ELAC1: variants seen among roughly 807,000 people sequenced by gnomAD.
ELAC1 encodes elaC ribonuclease Z 1.
ELAC1 carries 19 observed loss-of-function variants against 25.8 expected under a neutral mutation model. The ratio of observed to expected loss-of-function variants is 0.74; its 90% confidence interval spans 0.51 to 1.08. ELAC1 has a LOEUF of 1.08. Ranked by LOEUF, ELAC1 falls within the 50% of genes least tolerant of loss-of-function variation. The pLI is 0.00. For missense variants in ELAC1, 403 were observed against 434.6 expected (o/e 0.93, Z 0.65); for synonymous variants, 148 against 160.9 (o/e 0.92, Z 0.61).
intron 1 of ELAC1, chr18:50,968,771 T>C (rs1174080699): frequency 2.0e-5 from 3 of 152,250 alleles, no homozygotes; most frequent in African/African-American, 7.2e-5. Flanking sequence ...TTTGCTCGCA[T>C]TTAATTCCTA....
At chr18:50,977,177 GAGGAC>G (rs1318623831) in intron 2 of ELAC1, among the ~76,000 whole-genome samples, 1 of 152,200 alleles carries the variant, frequency 6.6e-6, no homozygotes, top group Non-Finnish European at 1.5e-5. Flanking sequence ...ATGGGTTCTG[GAGGAC>G]AGTAGCTCTC....
At chr18:50,973,399 G>A (rs961977261) in intron 1 of ELAC1, among the ~76,000 whole-genome samples, 1 of 152,202 alleles carries the variant, frequency 6.6e-6, no homozygotes, top group Non-Finnish European at 1.5e-5. Context: ...GAAAGGAATA[G>A]TGCCAGGAGT....
rs571227087 is a variant in ELAC1 at position 50,972,469 on chromosome 18, T to TTGTATGTA, written c.-8-1910_-8-1903dup. Among the ~76,000 whole-genome samples the TTGTATGTA allele has an allele frequency of 1.5e-3, 229 of 152,022 alleles. 1 individual carries two copies. The highest frequency in any genetic ancestry group is 5.5e-3 in the African/African-American group (226 of 41,448). On this transcript the variant is annotated intron_variant, in intron 1 of 3. Coordinates refer to ENST00000269466, the MANE Select transcript of ELAC1 (RefSeq NM_018696.3). ...TCTATTTTTGTGCCAATATTATTGT[T>TTGTATGTA]TGTATGTATGTATGTATGTATGTAT...
chr18:50,977,017 A>C (rs1460184447), intron 2 of ELAC1, among the ~76,000 whole-genome samples: 1 of 152,220 alleles, frequency 6.6e-6, no homozygotes, highest in East Asian at 1.9e-4. Context: ...GGGCATGCTG[A>C]TGCAAGAGGT....
intron 1 of ELAC1, among the ~76,000 whole-genome samples, chr18:50,970,095 G>C (rs1195368863): frequency 6.6e-6 from 1 of 152,098 alleles, no homozygotes; most frequent in South Asian, 2.1e-4. Flanking sequence ...TGTTTTGTTT[G>C]GGACTACAGG....
intron 3 of ELAC1, among the ~76,000 whole-genome samples, chr18:50,985,129 C>T (rs1908065015): frequency 6.6e-6 from 1 of 152,158 alleles, no homozygotes; most frequent in Non-Finnish European, 1.5e-5. Context: ...CTTAGTCTGT[C>T]TTCACCTTAT....
At chr18:50,982,151 G>C (rs548634818) in intron 2 of ELAC1, among the ~76,000 whole-genome samples, 3 of 152,150 alleles carry the variant, frequency 2.0e-5, no homozygotes, top group African/African-American at 7.2e-5. Context: ...CGGCCCTATT[G>C]CTGTAGTTTT....
chr18:50,973,828 AG>A (rs2144309642), intron 1 of ELAC1, among the ~76,000 whole-genome samples: 1 of 152,246 alleles, frequency 6.6e-6, no homozygotes, highest in South Asian at 2.1e-4. Flanking sequence ...CAGAAGCTTA[AG>A]GGCTCATGAA....
chr18:50,979,959 G>C (rs986170125), intron 2 of ELAC1, among the ~76,000 whole-genome samples: 16 of 152,102 alleles, frequency 1.1e-4, no homozygotes, highest in African/African-American at 3.9e-4. Context: ...TCAAACTCCT[G>C]AGCTCAGGCA....
At position 50,984,291 on chromosome 18, in the gene ELAC1, A is replaced by G. The variant is rs767662963; in HGVS notation, c.353A>G (p.Tyr118Cys). Reference sequence around the variant, plus strand: ...TCTCACACGGAGCTGGTCTTCCATTATGTGGTTCATGAACTGGTTCCTACA... The same window carrying G: ...TCTCACACGGAGCTGGTCTTCCATTGTGTGGTTCATGAACTGGTTCCTACA... ...ELSHTELVFH[Y>C]VVHELVPTAD... Residue 118 changes from tyrosine to cysteine, a missense_variant, in exon 3 of 4, where the codon TAT becomes TGT. Coordinates refer to ENST00000269466, the MANE Select transcript of ELAC1 (RefSeq NM_018696.3). 3 of 1,614,156 alleles carry G rather than the reference A, an allele frequency of 1.9e-6. No homozygotes were observed. Among genetic ancestry groups the G allele is most frequent in the Middle Eastern group, 1.6e-4 (1 of 6,062 alleles).
At chr18:50,978,104 C>T (rs113509581) in intron 2 of ELAC1, among the ~76,000 whole-genome samples, 1 of 152,310 alleles carries the variant, frequency 6.6e-6, no homozygotes, top group African/African-American at 2.4e-5. Context: ...TTTCCCATGT[C>T]TTCCTGTCTT....
At chr18:50,985,640 C>G (rs1450821136) in intron 3 of ELAC1, among the ~76,000 whole-genome samples, 1 of 152,330 alleles carries the variant, frequency 6.6e-6, no homozygotes, top group South Asian at 2.1e-4. Flanking sequence ...TATGTGATCT[C>G]TTCCTCAACT....
intron 1 of ELAC1, among the ~76,000 whole-genome samples, chr18:50,972,806 T>C (rs1234521018): frequency 1.3e-5 from 2 of 152,184 alleles, no homozygotes; most frequent in Admixed American, 6.5e-5. Context: ...TTATGTCAGA[T>C]TGCTGTAGTA....
rs559345589 is a variant in ELAC1, at chr18:50,971,466, C to T, written c.-8-2931C>T. Among the ~76,000 whole-genome samples, 16 of 152,312 alleles carry T rather than the reference C, an allele frequency of 1.1e-4. No individual in the cohort carries two copies. In the East Asian group the frequency reaches 2.9e-3, roughly 28 times the overall value. ...GCAGCAGTGAAATCACAGCTCACTG[C>T]AGCCTTAACCTTCCAGGTTCCAATG... On this transcript the variant is annotated intron_variant, in intron 1 of 3. Coordinates refer to ENST00000269466, the MANE Select transcript of ELAC1 (RefSeq NM_018696.3).
At chr18:50,979,798 C>T (rs757510635) in intron 2 of ELAC1, among the ~76,000 whole-genome samples, 1 of 152,074 alleles carries the variant, frequency 6.6e-6, no homozygotes, top group Non-Finnish European at 1.5e-5. Flanking sequence ...GCGATCTCGG[C>T]TCATTACAAC....
chr18:50,986,530 A>G lies in ELAC1; in HGVS notation c.626-89A>G, dbSNP rs1908112598. 22 of 995,390 alleles carry G rather than the reference A, an allele frequency of 2.2e-5. No individual in the cohort carries two copies. The East Asian group carries it at 5.1e-4, about 23-fold the overall frequency. 61.7% of individuals were successfully genotyped at this position (995,390 alleles called of 1,614,324 possible). On this transcript the variant is annotated intron_variant, in intron 3 of 3. Transcript: ENST00000269466. ...TATAACAATTATGGATGCCTTTTCC[A>G]TTAGCTATTTGCAATGCTGTTAAAA...
chr18:50,970,265 T>C (rs1907616767), intron 1 of ELAC1, among the ~76,000 whole-genome samples: 2 of 152,206 alleles, frequency 1.3e-5, no homozygotes, highest in South Asian at 4.1e-4. Flanking sequence ...TTCACTGATA[T>C]GTTTTAAAAG....
At chr18:50,969,669 G>A (rs1907596293) in intron 1 of ELAC1, 1 of 152,240 alleles carries the variant, frequency 6.6e-6, no homozygotes, top group Non-Finnish European at 1.5e-5. Context: ...GCCTAATGGG[G>A]TACTCCCATC....
At chr18:50,969,532 A>G (rs1242514535) in intron 1 of ELAC1, 1 of 152,266 alleles carries the variant, frequency 6.6e-6, no homozygotes, top group Non-Finnish European at 1.5e-5. Context: ...AGGGAATGCC[A>G]GCAAATACAT....
Sources: allele counts gnomAD v4.1 joint callset (sites outside exome capture counted in the v4.1 genomes callset), GRCh38; gene constraint gnomAD v4.1.1; transcripts MANE v1.5; gene names NCBI Gene and HGNC (gene_info 2026-07-23, HGNC 2026-07-21).